The following C6orf89 variants were observed in gnomAD, a reference collection of about 807,000 sequenced individuals.
C6orf89 encodes chromosome 6 open reading frame 89.
C6orf89 carries 29 observed loss-of-function variants against 40.7 expected under a neutral mutation model. The ratio of observed to expected loss-of-function variants is 0.71; its 90% CI spans 0.53 to 0.97. The LOEUF (loss-of-function observed/expected upper bound fraction) is 0.97, where lower values mean the gene tolerates loss of function less well. Among genes scored for constraint, C6orf89 ranks in the 50% least tolerant of loss-of-function variants. C6orf89 has a pLI of 0.00. For synonymous variants in C6orf89, 165 were observed against 152.2 expected (o/e 1.08, Z -0.62); for missense variants, 392 against 429.1 (o/e 0.91, Z 0.76).
At chr6:36,881,764 T>G (rs984951799), upstream of C6orf89, among the ~76,000 whole-genome samples, 2 of 151,348 alleles carry the variant, frequency 1.3e-5, no homozygotes, top group African/African-American at 2.4e-5. Context: ...CATTATTCAG[T>G]TTTTTTTTCC....
At chr6:36,905,479 G>A (rs989919900) in intron 4 of C6orf89, among the ~76,000 whole-genome samples, 1 of 152,186 alleles carries the variant, frequency 6.6e-6, no homozygotes, top group African/African-American at 2.4e-5. Context: ...CCAAAGATAA[G>A]TGGTCTTCCA....
upstream of C6orf89, among the ~76,000 whole-genome samples, chr6:36,881,658 G>A (rs1192371516): frequency 2.0e-5 from 3 of 152,170 alleles, no homozygotes; most frequent in Non-Finnish European, 4.4e-5. Context: ...TGGGCAGCAA[G>A]AGTGAAACTC....
intron 4 of C6orf89, among the ~76,000 whole-genome samples, chr6:36,911,328 A>G (rs1762116844): frequency 6.6e-6 from 1 of 152,068 alleles, no homozygotes. Context: ...TGTCTCTACT[A>G]AAAATACAAA....
At position 36,910,834 on chromosome 6, in the gene C6orf89, A is replaced by G. The variant is rs193139032; in HGVS notation, c.404-3450A>G. Among the ~76,000 whole-genome samples, 444 of 152,118 alleles carry G rather than the reference A, an allele frequency of 2.9e-3. 1 individual carries two copies. The highest frequency in any genetic ancestry group is 4.8e-3 in the Non-Finnish European group (326 of 67,992). On this transcript the variant is annotated intron_variant, in intron 4 of 8. Transcript: ENST00000480824. ...ATCAGCCACCACCCATAAATGTTTTATCTTGTTAAATTTATTGCTAGTTAT... is the reference window on the plus strand; with the variant it reads ...ATCAGCCACCACCCATAAATGTTTTGTCTTGTTAAATTTATTGCTAGTTAT...
chr6:36,904,066 C>G (rs765322646), intron 4 of C6orf89, among the ~76,000 whole-genome samples: 7 of 152,122 alleles, frequency 4.6e-5, no homozygotes, highest in Non-Finnish European at 8.8e-5. Flanking sequence ...CTTCCTCAGA[C>G]ACACCAGTCT....
At chr6:36,917,515 T>G (rs1411964019) in intron 7 of C6orf89, among the ~76,000 whole-genome samples, 1 of 152,232 alleles carries the variant, frequency 6.6e-6, no homozygotes, top group Non-Finnish European at 1.5e-5. Context: ...GCATGCATTT[T>G]CCTTCATAAA....
intron 1 of C6orf89, among the ~76,000 whole-genome samples, chr6:36,888,080 C>T (rs1775061990): frequency 6.6e-6 from 1 of 152,120 alleles, no homozygotes. Context: ...GCTATTGGAA[C>T]AAATGTGTTA....
In C6orf89 at chr6:36,914,558, G is replaced by A; in HGVS notation, c.560G>A (p.Gly187Glu). Residue 187 changes from glycine (G) to glutamate (E), a missense_variant, in exon 6 of 9, where the codon GGA (glycine) becomes GAA (glutamate). By Grantham distance (98) the Gly-to-Glu change is moderately conservative (BLOSUM62 -2). Coordinates refer to ENST00000480824, the MANE Select transcript of C6orf89 (RefSeq NM_001286635.2). The stretch of plus-strand genomic sequence containing the variant: ...TTTGTTTCCTGCCTTGCCAAGACGG[G>A]AAAGCCCCTGTTGGAGGAAGAGATT... Reference protein sequence around the residue: ...ERLHPLVIKTGKPLLEEEIQH... With the variant: ...ERLHPLVIKTEKPLLEEEIQH... 1 of 1,614,080 alleles carries A rather than the reference G, an allele frequency of 6.2e-7. No individual in the cohort carries two copies. Among genetic ancestry groups the A allele is most frequent in the Non-Finnish European group, 8.5e-7 (1 of 1,179,884 alleles).
chr6:36,919,067 C>T (rs986362376), intron 7 of C6orf89, among the ~76,000 whole-genome samples: 1 of 152,218 alleles, frequency 6.6e-6, no homozygotes, highest in Non-Finnish European at 1.5e-5. Flanking sequence ...TAAGAAATAA[C>T]ATTCCATGGA....
intron 1 of C6orf89, among the ~76,000 whole-genome samples, chr6:36,874,416 C>T (rs3778016): frequency 0.5 from 75,632 of 151,748 alleles, 19,414 homozygotes; most frequent in East Asian, 0.66. Context: ...ACTCATATTC[C>T]ATATGCCTGG....
chr6:36,874,923 T>C (rs1436536871), intron 1 of C6orf89: 1 of 800,942 alleles, frequency 1.2e-6, no homozygotes, highest in East Asian at 2.9e-5. Flanking sequence ...CGGTCCCTTC[T>C]TCCAATGCCG....
At chr6:36,886,126 C>T in intron 1 of C6orf89, 98 bp downstream of exon 1, 5 of 1,051,628 alleles carry the variant, frequency 4.8e-6, no homozygotes, top group Non-Finnish European at 6.1e-6. Context: ...CTTCTCGCCG[C>T]TGCTACCACC....
intron 1 of C6orf89, among the ~76,000 whole-genome samples, chr6:36,887,138 G>A (rs1374480377): frequency 2.7e-5 from 4 of 148,850 alleles, no homozygotes; most frequent in African/African-American, 5.0e-5. Context: ...TTTTTGAGAC[G>A]GAGTCTCACA....
intron 1 of C6orf89, among the ~76,000 whole-genome samples, chr6:36,877,440 C>T (rs1387347180): frequency 6.6e-6 from 1 of 152,198 alleles, no homozygotes; most frequent in Non-Finnish European, 1.5e-5. Flanking sequence ...AAGCGATTCT[C>T]CTGCCTCAGC....
intron 7 of C6orf89, among the ~76,000 whole-genome samples, chr6:36,919,206 A>G (rs192738494): frequency 1.3e-5 from 2 of 152,298 alleles, no homozygotes; most frequent in East Asian, 1.9e-4. Flanking sequence ...TTAAATTGCA[A>G]TTAGGTATTT....
chr6:36,896,152 G>A (rs1323354188), intron 2 of C6orf89, among the ~76,000 whole-genome samples: 1 of 152,156 alleles, frequency 6.6e-6, no homozygotes. Context: ...CTGTCACCCA[G>A]GCTGGAGTGC....
chr6:36,923,568 A>G lies in C6orf89; in HGVS notation c.*127A>G, dbSNP rs1485418750. 4 of 741,618 alleles carry G rather than the reference A, an allele frequency of 5.4e-6. No individual in the cohort carries two copies. Among genetic ancestry groups the G allele is most frequent in the African/African-American group, 1.7e-5 (1 of 57,596 alleles). The allele number at this position is 741,618 out of a possible 1,614,324, so 45.9% of individuals were successfully genotyped here. A position where few individuals can be genotyped will look rare whatever the true frequency, so the allele number is the denominator to read the frequency against. On this transcript the variant is annotated 3_prime_UTR_variant, in exon 9 of 9. Transcript: ENST00000480824. ...ACTTAGTTACCTGCCCTTTGCATGC[A>G]TGTGTGAACCAGCTGTGAGCTGCAA...
chr6:36,889,709 T>A (rs976760394), intron 1 of C6orf89, among the ~76,000 whole-genome samples: 9 of 152,210 alleles, frequency 5.9e-5, no homozygotes, highest in Non-Finnish European at 1.0e-4. Context: ...AGCTATATGA[T>A]CTTTTTAAAA....
intron 8 of C6orf89, among the ~76,000 whole-genome samples, chr6:36,920,430 G>A (rs1195968939): frequency 1.3e-5 from 2 of 152,300 alleles, no homozygotes; most frequent in South Asian, 4.1e-4. Flanking sequence ...TGACCTCCTT[G>A]CTTTTCCTGC....
Sources: gnomAD v4.1 joint callset for allele counts (sites outside exome capture counted in the v4.1 genomes callset) on GRCh38, gnomAD v4.1.1 for gene constraint, MANE v1.5 for transcripts, NCBI Gene and HGNC (gene_info 2026-07-23, HGNC 2026-07-21) for gene names.